PRDM5: variants seen among roughly 807,000 people sequenced by gnomAD.
PRDM5 encodes the protein PR/SET domain 5, also known as PR domain zinc finger protein 5.
Under a neutral mutation model 81.2 loss-of-function variants are expected in PRDM5, and 56 were observed. That is an observed-to-expected ratio of 0.69 (90% CI 0.56 to 0.86). The LOEUF is 0.86. Among genes scored for constraint, PRDM5 ranks in the 40% least tolerant of loss-of-function variants. PRDM5 has a pLI of 0.00. For synonymous variants in PRDM5, 267 were observed against 256.4 expected, an observed-to-expected ratio of 1.04 and a Z score of -0.39; for missense variants, 697 against 770.1, an observed-to-expected ratio of 0.91 and a Z score of 1.12.
At chr4:120,905,596 A>C (rs1765707513) in intron 2 of PRDM5, among the ~76,000 whole-genome samples, 1 of 152,178 alleles carries the variant, frequency 6.6e-6, no homozygotes, top group Admixed American at 6.5e-5. Flanking sequence ...TCAAGACCAC[A>C]GCATCACCTT....
At chr4:120,743,235 A>AT (rs1207234003) in intron 14 of PRDM5, among the ~76,000 whole-genome samples, 1 of 151,420 alleles carries the variant, frequency 6.6e-6, no homozygotes, top group Non-Finnish European at 1.5e-5. Context: ...ATGCTGAGAG[A>AT]TTTTGTCACC....
At chr4:120,901,702 G>A (rs1765245146) in intron 2 of PRDM5, among the ~76,000 whole-genome samples, 1 of 152,112 alleles carries the variant, frequency 6.6e-6, no homozygotes, top group Non-Finnish European at 1.5e-5. Flanking sequence ...AAGTAAAAGA[G>A]GCTTAAATTT....
At chr4:120,699,418 A>G (rs989269510) in intron 15 of PRDM5, among the ~76,000 whole-genome samples, 4 of 151,862 alleles carry the variant, frequency 2.6e-5, no homozygotes, top group Non-Finnish European at 5.9e-5. Context: ...ACTTTATTTA[A>G]AAACAGATAA....
intron 8 of PRDM5, among the ~76,000 whole-genome samples, chr4:120,805,613 T>G (rs1752797556): frequency 6.6e-6 from 1 of 152,202 alleles, no homozygotes; most frequent in African/African-American, 2.4e-5. Context: ...CATGATTATC[T>G]CAATAGATAC....
chr4:120,893,930 T>A (rs1405023801), intron 2 of PRDM5, among the ~76,000 whole-genome samples: 1 of 152,228 alleles, frequency 6.6e-6, no homozygotes, highest in Non-Finnish European at 1.5e-5. Context: ...GTTTTAAAAT[T>A]GTCTCTAAAG....
rs55899802 is a variant in PRDM5, at chr4:120,911,262, A to G, written c.94-3705T>C. 9.6e-3 allele frequency among the ~76,000 whole-genome samples: 1,455 copies of G among 152,348 alleles called. 17 individuals carry two copies. Among genetic ancestry groups the G allele is most frequent in the African/African-American group, 0.033 (1,378 of 41,576 alleles). ...ATATACATGATTTTTAGAGAAGCTA[A>G]TAACTCAAATTTGTGTGTGAAATCA... On this transcript the variant is annotated intron_variant, in intron 1 of 15. Coordinates refer to ENST00000264808, the MANE Select transcript of PRDM5 (RefSeq NM_018699.4).
chr4:120,826,353 GA>G (rs1341042041), intron 3 of PRDM5, among the ~76,000 whole-genome samples: 2 of 152,098 alleles, frequency 1.3e-5, no homozygotes, highest in Non-Finnish European at 2.9e-5. Context: ...CCTCCTTCAA[GA>G]AACTTTCTCT....
chr4:120,723,515 T>C (rs996381226), intron 14 of PRDM5, among the ~76,000 whole-genome samples: 67 of 152,230 alleles, frequency 4.4e-4, no homozygotes, highest in African/African-American at 1.5e-3. Context: ...AAAAGGAAAA[T>C]TTTGTTACAA....
At chr4:120,853,327 T>A in intron 3 of PRDM5, 91 bp downstream of exon 3, 1 of 1,583,236 alleles carries the variant, frequency 6.3e-7, no homozygotes, top group Non-Finnish European at 8.7e-7. Flanking sequence ...AGGAGGTCAT[T>A]GGGAAACAAA....
intron 2 of PRDM5, among the ~76,000 whole-genome samples, chr4:120,860,326 T>C (rs1045631968): frequency 6.6e-6 from 1 of 151,548 alleles, no homozygotes; most frequent in Non-Finnish European, 1.5e-5. Flanking sequence ...ATAAGACACT[T>C]AATGTAAAAT....
chr4:120,685,670 T>A (rs1733805380), intron 1 of PRDM5, among the ~76,000 whole-genome samples: 1 of 152,106 alleles, frequency 6.6e-6, no homozygotes, highest in African/African-American at 2.4e-5. Flanking sequence ...TTGCAGATAG[T>A]GTTATGCTTT....
chr4:120,808,416 C>A (rs1189677304), intron 8 of PRDM5, among the ~76,000 whole-genome samples: 1 of 152,156 alleles, frequency 6.6e-6, no homozygotes, highest in Non-Finnish European at 1.5e-5. Context: ...CTGAGCTAGA[C>A]ACAGGGTGCT....
chr4:120,879,829 A>G (rs1433441301), intron 2 of PRDM5, among the ~76,000 whole-genome samples: 5 of 152,068 alleles, frequency 3.3e-5, no homozygotes, highest in African/African-American at 1.2e-4. Context: ...AACTATGGAG[A>G]TAGTTAAAAA....
intron 14 of PRDM5, among the ~76,000 whole-genome samples, chr4:120,721,271 G>A (rs1441586351): frequency 2.0e-5 from 3 of 152,114 alleles, no homozygotes; most frequent in Non-Finnish European, 4.4e-5. Context: ...TAGTCCAGTG[G>A]ACTTCAACCC....
At chr4:120,790,135 G>A (rs1323156854) in intron 10 of PRDM5, among the ~76,000 whole-genome samples, 1 of 152,198 alleles carries the variant, frequency 6.6e-6, no homozygotes, top group African/African-American at 2.4e-5. Context: ...AATTAAGGAC[G>A]CTTCTCACAA....
intron 15 of PRDM5, among the ~76,000 whole-genome samples, chr4:120,698,283 A>AGG: frequency 6.6e-6 from 1 of 152,144 alleles, no homozygotes; most frequent in Non-Finnish European, 1.5e-5. Flanking sequence ...TTGAGCCCTC[A>AGG]TTTAACATGA....
intron 2 of PRDM5, among the ~76,000 whole-genome samples, chr4:120,904,049 G>A (rs1241715553): frequency 1.3e-5 from 2 of 151,798 alleles, no homozygotes; most frequent in African/African-American, 4.8e-5. Context: ...AATTAGCCAG[G>A]TGTGGTGGCA....
intron 7 of PRDM5, chr4:120,816,031 TAGG>T (rs1754438640): frequency 4.6e-6 from 1 of 216,900 alleles, no homozygotes; most frequent in African/African-American, 2.4e-5. Context: ...TTCTCTAACT[TAGG>T]AGAACTGTAT....
rs537969022 is a variant in PRDM5, at chr4:120,811,684, G to A, written c.866-235C>T. 3.3e-5 allele frequency among the ~76,000 whole-genome samples: 5 copies of A among 152,126 alleles called. No homozygotes were observed. In the South Asian group the frequency reaches 1.0e-3, roughly 32 times the overall value. ...TAACATGTATATAGGGGAGCCTTCA[G>A]AATAAAGACCCAAGCTCCCAAGAGA... On this transcript the variant is annotated intron_variant, in intron 7 of 15. Coordinates refer to ENST00000264808, the MANE Select transcript of PRDM5 (RefSeq NM_018699.4).
Sources: allele counts gnomAD v4.1 joint callset (sites outside exome capture counted in the v4.1 genomes callset), GRCh38; gene constraint gnomAD v4.1.1; transcripts MANE v1.5; gene names NCBI Gene and HGNC (gene_info 2026-07-23, HGNC 2026-07-21).